The following LUC7L3 variants were observed in gnomAD, a reference collection of about 807,000 sequenced individuals.
LUC7L3 encodes luc7-like protein 3.
Under a neutral mutation model 66.8 loss-of-function variants are expected in LUC7L3, and 6 were observed. The observed-to-expected ratio is 0.09, with a 90% confidence interval of 0.05 to 0.18. The LOEUF is 0.18. Ranked by LOEUF, LUC7L3 falls within the 10% of genes least tolerant of loss-of-function variation. The pLI is 1.00. For missense variants in LUC7L3, 341 were observed against 531.1 expected (o/e 0.64, Z 3.52); for synonymous variants, 160 against 174.7 (o/e 0.92, Z 0.66).
chr17:50,725,167 T>G lies in LUC7L3; in HGVS notation c.99+5336T>G, dbSNP rs542989846. On this transcript the variant is annotated intron_variant, in intron 1 of 9. Transcript: ENST00000505658. ...GCTCACGCCTGTAATCCTAGCACTT[T>G]GCGAGGCTGAGGCGGGTGGATCACC... Among the ~76,000 whole-genome samples, 43 of 151,886 alleles carry G rather than the reference T, an allele frequency of 2.8e-4. No individual in the cohort carries two copies. The East Asian group carries it at 7.2e-3, about 25-fold the overall frequency.
Position 50,745,843 on chromosome 17 carries a change from CGAA to C in LUC7L3, c.819_821del (p.Arg274del). The C allele has an allele frequency of 6.3e-7, 1 of 1,584,822 alleles. No individual in the cohort carries two copies. ...AAGGGAAGAAAGAGAAAGGAAAAGA[CGAA>C]GGGAAGAGGAAGAAAGAGAAAAAGA... On this transcript the variant is annotated inframe_deletion, in exon 8 of 10. Transcript: ENST00000505658.
rs571329608 is a variant in LUC7L3, at chr17:50,725,268, G to C, written c.99+5437G>C. ...CTACTAAAAATACAAAAATTAGCCA[G>C]GTGTGGTGGCGCACGCCTGTAATCC... On this transcript the variant is annotated intron_variant, in intron 1 of 9. Coordinates refer to ENST00000505658, the MANE Select transcript of LUC7L3 (RefSeq NM_016424.5). Among the ~76,000 whole-genome samples, 7 of 152,262 alleles carry C rather than the reference G, an allele frequency of 4.6e-5. No individual in the cohort carries two copies. In the East Asian group the frequency reaches 1.4e-3, roughly 30 times the overall value.
intron 9 of LUC7L3, 97 bp downstream of exon 9, chr17:50,746,799 C>T (rs1040798310): frequency 1.4e-5 from 14 of 1,011,090 alleles, no homozygotes; most frequent in Non-Finnish European, 1.7e-5. Context: ...CCATTTCATA[C>T]ATACTCCTTT....
At chr17:50,740,437 A>C (rs1045380466) in intron 3 of LUC7L3, 92 bp downstream of exon 3, 7 of 1,237,176 alleles carry the variant, frequency 5.7e-6, no homozygotes, top group Non-Finnish European at 8.1e-6. Context: ...TAAATGTAAA[A>C]TGAGTGTCTG....
At chr17:50,735,383 T>A (rs1052990233) in intron 1 of LUC7L3, among the ~76,000 whole-genome samples, 2 of 152,188 alleles carry the variant, frequency 1.3e-5, no homozygotes, top group African/African-American at 4.8e-5. Flanking sequence ...AAAAAAGGCC[T>A]ATTTCAGATT....
Position 50,735,608 on chromosome 17 carries a change from C to G in LUC7L3, c.100-1352C>G, listed in dbSNP as rs918753753. Among the ~76,000 whole-genome samples, 3 of 152,232 alleles carry G rather than the reference C, an allele frequency of 2.0e-5. No individual in the cohort carries two copies. The East Asian group carries it at 5.8e-4, about 29-fold the overall frequency. On this transcript the variant is annotated intron_variant, in intron 1 of 9. Transcript: ENST00000505658. The stretch of plus-strand genomic sequence containing the variant: ...GCAGCCTCGACCTCCCAGGCTCAAG[C>G]AATCCTTCTGCCTCAGCCTCCTGGG...
At chr17:50,748,747 T>G (rs1970832122) in intron 9 of LUC7L3, among the ~76,000 whole-genome samples, 1 of 152,154 alleles carries the variant, frequency 6.6e-6, no homozygotes, top group African/African-American at 2.4e-5. Context: ...ATCAGGCTTG[T>G]CTCCCATGAT....
intron 1 of LUC7L3, among the ~76,000 whole-genome samples, chr17:50,734,479 A>G (rs746577734): frequency 1.3e-5 from 2 of 151,884 alleles, no homozygotes; most frequent in African/African-American, 2.4e-5. Flanking sequence ...TAAAACTTTT[A>G]TTATGTTCTT....
intron 8 of LUC7L3, 78 bp from the exon 9 acceptor site, chr17:50,746,464 T>C: frequency 7.7e-7 from 1 of 1,306,186 alleles, no homozygotes; most frequent in Non-Finnish European, 1.1e-6. Flanking sequence ...CTAGTCTTGT[T>C]AATTAATAGC....
chr17:50,729,543 A>G (rs1229387416), intron 1 of LUC7L3, among the ~76,000 whole-genome samples: 3 of 152,010 alleles, frequency 2.0e-5, no homozygotes, highest in Admixed American at 2.0e-4. Flanking sequence ...CTAACCCTGG[A>G]CAAGATCCCC....
At chr17:50,720,875 G>A (rs1346789177) in intron 1 of LUC7L3, among the ~76,000 whole-genome samples, 2 of 152,182 alleles carry the variant, frequency 1.3e-5, no homozygotes, top group African/African-American at 4.8e-5. Context: ...AGGACTTTAA[G>A]AAAGAGTAAG....
Position 50,744,572 on chromosome 17 carries a change from C to A in LUC7L3, c.532-80C>A, listed in dbSNP as rs371577003. 195 of 1,303,576 alleles carry A rather than the reference C, an allele frequency of 1.5e-4. 4 individuals carry two copies. The South Asian group carries it at 2.7e-3, about 18-fold the overall frequency. The allele number at this position is 1,303,576 out of a possible 1,614,324, so 80.8% of individuals were successfully genotyped here. A position where few individuals can be genotyped will look rare whatever the true frequency, so the allele number is the denominator to read the frequency against. The stretch of plus-strand genomic sequence containing the variant: ...AGAGCAATTCACACACATTAGAAAT[C>A]TTTTCTAAATGTTGAGTACTTTCCT... On this transcript the variant is annotated intron_variant, in intron 6 of 9. Coordinates refer to ENST00000505658, the MANE Select transcript of LUC7L3 (RefSeq NM_016424.5).
At position 50,751,978 on chromosome 17, in the gene LUC7L3, A is replaced by G; in HGVS notation, c.*1317A>G. ...GTTGGTGGCATTCCCCTTTTGGGAA[A>G]GCAATGTAAGGTTATGTCTGTGTAT... On this transcript the variant is annotated 3_prime_UTR_variant, in exon 10 of 10. Transcript: ENST00000505658. The G allele has an allele frequency of 1.9e-6, 2 of 1,027,452 alleles. No homozygotes were observed. Among genetic ancestry groups the G allele is most frequent in the South Asian group, 3.4e-5 (1 of 29,840 alleles). The allele number at this position is 1,027,452 out of a possible 1,614,324, so 63.6% of individuals were successfully genotyped here. A position where few individuals can be genotyped will look rare whatever the true frequency, so the allele number is the denominator to read the frequency against.
intron 1 of LUC7L3, among the ~76,000 whole-genome samples, chr17:50,725,816 C>A (rs573982681): frequency 6.6e-6 from 1 of 152,280 alleles, no homozygotes; most frequent in Admixed American, 6.5e-5. Flanking sequence ...TTATCATTTT[C>A]CTACCACAAA....
chr17:50,745,172 T>A (rs1029176082), intron 7 of LUC7L3, among the ~76,000 whole-genome samples: 3 of 152,056 alleles, frequency 2.0e-5, no homozygotes, highest in East Asian at 1.9e-4. Context: ...GTATTTTTTT[T>A]AATAGAGACG....
Position 50,735,249 on chromosome 17 carries a change from A to AAAG in LUC7L3, c.100-1709_100-1708insGAA, listed in dbSNP as rs66659884. On this transcript the variant is annotated intron_variant, in intron 1 of 9. Transcript: ENST00000505658. ...CTGTCTCAAAAAAAAAAAAAAAGAA[A>AAAG]AAAAAAACTTTCGTGTCTGTGAGGT... is the stretch of plus-strand genomic sequence containing the variant. Among the ~76,000 whole-genome samples, 14 of 24,072 alleles carry AAAG rather than the reference A, an allele frequency of 5.8e-4. No individual in the cohort carries two copies. In the African/African-American group the frequency reaches 0.014, roughly 23 times the overall value. The allele number at this position is 24,072 out of a possible 152,430, so 15.8% of individuals were successfully genotyped here. A position where few individuals can be genotyped will look rare whatever the true frequency, so the allele number is the denominator to read the frequency against.
rs369562388 is a variant in LUC7L3 at position 50,724,153 on chromosome 17, A to G, written c.99+4322A>G. ...ATATTATTTCCTCTGTATCCCTTCC[A>G]TTATTTTGAAGCAATTCTGTTATTG... On this transcript the variant is annotated intron_variant, in intron 1 of 9. Transcript: ENST00000505658. The G allele has an allele frequency of 3.9e-4, 103 of 266,196 alleles. 1 individual carries two copies. The highest frequency in any genetic ancestry group is 3.0e-3 in the East Asian group (21 of 6,954). The allele number at this position is 266,196 out of a possible 1,614,324, so 16.5% of individuals were successfully genotyped here.
intron 5 of LUC7L3, among the ~76,000 whole-genome samples, chr17:50,742,375 T>G (rs1006759737): frequency 2.0e-5 from 3 of 152,170 alleles, no homozygotes; most frequent in African/African-American, 7.2e-5. Flanking sequence ...TTGTTACTGT[T>G]TTTTTGACAG....
At chr17:50,743,685 T>G in intron 5 of LUC7L3, 21 bp from the exon 6 acceptor site, 4 of 1,476,868 alleles carry the variant, frequency 2.7e-6, no homozygotes, top group Non-Finnish European at 2.8e-6. Flanking sequence ...CTTAACTGTT[T>G]TTTTCCCCTA....
Sources: allele counts gnomAD v4.1 joint callset (sites outside exome capture counted in the v4.1 genomes callset), GRCh38; gene constraint gnomAD v4.1.1; transcripts MANE v1.5; gene names NCBI Gene and HGNC (gene_info 2026-07-23, HGNC 2026-07-21).